The following ANKAR variants were observed in gnomAD, a reference collection of about 807,000 sequenced individuals.
ANKAR encodes ankyrin and armadillo repeat containing.
Under a neutral mutation model 146.2 loss-of-function variants are expected in ANKAR, and 136 were observed. The ratio of observed to expected loss-of-function variants is 0.93; its 90% confidence interval spans 0.81 to 1.07. The LOEUF is 1.07. ANKAR is among the 50% of genes least tolerant of loss of function. The pLI is 0.00. For synonymous variants in ANKAR, 500 were observed against 575.8 expected, an observed-to-expected ratio of 0.87 and a Z score of 1.88; for missense variants, 1,567 against 1,679.9, an observed-to-expected ratio of 0.93 and a Z score of 1.18.
chr2:189,692,544 A>G (rs1209018701), intron 4 of ANKAR, 126 bp downstream of exon 4: 9 of 805,866 alleles, frequency 1.1e-5, no homozygotes, highest in Non-Finnish European at 1.5e-5. Context: ...TCACAACTCA[A>G]TAATTTTTTC....
chr2:189,704,577 AT>A (rs2038615766), intron 7 of ANKAR, among the ~76,000 whole-genome samples: 3 of 118,834 alleles, frequency 2.5e-5, no homozygotes, highest in Admixed American at 9.0e-5. Flanking sequence ...ATATATATAT[AT>A]ATATATATAT....
chr2:189,707,074 T>C lies in ANKAR; in HGVS notation c.2047T>C (p.Phe683Leu), dbSNP rs751421817. ...NNIIHLSVLT[F>L]HTEVLKYIIK... ...TATAATCCATTTATCAGTGTTAACC[T>C]TTCATACAGAGGTTCTCAAATATAT... Residue 683 changes from phenylalanine (F) to leucine (L), a missense_variant, in exon 9 of 23, where the codon TTT becomes CTT. Physicochemically the swap from Phe to Leu is conservative, Grantham distance 22 (BLOSUM62 0). Coordinates refer to ENST00000684021, the MANE Select transcript of ANKAR (RefSeq NM_001378068.1). 6.5e-5 allele frequency: 105 copies of C among 1,607,542 alleles called. No individual in the cohort carries two copies. Among genetic ancestry groups the C allele is most frequent in the Middle Eastern group, 1.7e-4 (1 of 5,782 alleles).
At chr2:189,701,041 C>T (rs6736443) in intron 7 of ANKAR, among the ~76,000 whole-genome samples, 149,559 of 152,340 alleles carry the variant, frequency 0.98, 73,486 homozygotes, top group East Asian at 1. Flanking sequence ...AATTTGAAAA[C>T]GATATGCCTC....
At position 189,703,660 on chromosome 2, in the gene ANKAR, GA is replaced by G. The variant is rs139638419; in HGVS notation, c.1709-1361del. On this transcript the variant is annotated intron_variant, in intron 7 of 22. Transcript: ENST00000684021. ...TGTATATGGTAAGCAAAGCCACTAA[GA>G]AGAGAAAAAGGCCCAAGATTGAGCC... Among the ~76,000 whole-genome samples the G allele has an allele frequency of 1.4e-3, 206 of 152,264 alleles. 6 individuals carry two copies. The East Asian group carries it at 0.03, about 22-fold the overall frequency.
At chr2:189,748,267 A>T (rs1262738623), downstream of ANKAR, among the ~76,000 whole-genome samples, 3 of 152,174 alleles carry the variant, frequency 2.0e-5, no homozygotes, top group African/African-American at 7.2e-5. Flanking sequence ...CAATAGTGCA[A>T]TCATAGCTCA....
chr2:189,725,418 T>C (rs751227678), intron 12 of ANKAR, among the ~76,000 whole-genome samples: 33 of 152,018 alleles, frequency 2.2e-4, no homozygotes, highest in Non-Finnish European at 3.7e-4. Flanking sequence ...GAACCAGAGC[T>C]TCTTGGAGAA....
At chr2:189,747,666 A>G (rs2044354343), downstream of ANKAR, among the ~76,000 whole-genome samples, 1 of 152,128 alleles carries the variant, frequency 6.6e-6, no homozygotes, top group Non-Finnish European at 1.5e-5. Context: ...ACCTGGCTTC[A>G]CTGTGTACTT....
At chr2:189,742,235 C>T (rs550482019) in intron 20 of ANKAR, among the ~76,000 whole-genome samples, 6 of 152,262 alleles carry the variant, frequency 3.9e-5, no homozygotes, top group African/African-American at 9.6e-5. Context: ...ATTTGCATTT[C>T]GAACAAGTTC....
rs1173395625 is a variant in ANKAR, at chr2:189,728,841, A to G, written c.3193+20A>G. ...GTATTGGTTTGTATACTTATTCTCA[A>G]TTTCTTAAATATCTGTAAGAACAAG... On this transcript the variant is annotated intron_variant, in intron 15 of 22. Transcript: ENST00000684021. 6 of 1,596,598 alleles carry G rather than the reference A, an allele frequency of 3.8e-6. No homozygotes were observed. In the Admixed American group the frequency reaches 6.9e-5, roughly 18 times the overall value.
At chr2:189,732,372 G>A (rs1053985613) in intron 16 of ANKAR, among the ~76,000 whole-genome samples, 29 of 151,848 alleles carry the variant, frequency 1.9e-4, no homozygotes, top group African/African-American at 7.0e-4. Flanking sequence ...AAATTAATAG[G>A]TGCTGCAGGC....
intron 3 of ANKAR, among the ~76,000 whole-genome samples, chr2:189,691,302 C>A (rs567983429): frequency 6.6e-6 from 1 of 152,208 alleles, no homozygotes; most frequent in Non-Finnish European, 1.5e-5. Context: ...GTGATCCACC[C>A]GCCTCGGCCT....
At chr2:189,734,284 C>G (rs1371678980) in intron 17 of ANKAR, among the ~76,000 whole-genome samples, 3 of 152,190 alleles carry the variant, frequency 2.0e-5, no homozygotes, top group Non-Finnish European at 4.4e-5. Flanking sequence ...TTGCATCACA[C>G]TTTTGCTCAC....
intron 2 of ANKAR, among the ~76,000 whole-genome samples, chr2:189,680,376 T>C (rs2034463859): frequency 6.6e-6 from 1 of 152,110 alleles, no homozygotes; most frequent in African/African-American, 2.4e-5. Flanking sequence ...ATTTTATCTT[T>C]TCAAAAAACC....
At chr2:189,749,244 T>TA (rs397987026), downstream of ANKAR, among the ~76,000 whole-genome samples, 1,963 of 63,216 alleles carry the variant, frequency 0.031, 127 homozygotes, top group African/African-American at 0.11. Context: ...AGACTCTGTC[T>TA]AAAAAAAAAA....
intron 2 of ANKAR, among the ~76,000 whole-genome samples, chr2:189,687,058 C>T (rs891943404): frequency 6.6e-6 from 1 of 152,074 alleles, no homozygotes; most frequent in Non-Finnish European, 1.5e-5. Context: ...AATACTAGAT[C>T]TTATTCATTC....
chr2:189,743,494 G>T lies in ANKAR; in HGVS notation c.4010+20G>T, dbSNP rs181922547. 4 of 1,601,532 alleles carry T rather than the reference G, an allele frequency of 2.5e-6. No individual in the cohort carries two copies. In the East Asian group the frequency reaches 8.9e-5, roughly 36 times the overall value. On this transcript the variant is annotated intron_variant, in intron 21 of 22. Coordinates refer to ENST00000684021, the MANE Select transcript of ANKAR (RefSeq NM_001378068.1). ...CTTAAGGTATGGTCCTATGTTAGAAGTTGCAGTAGTGAAATCATCGATAGA... is the reference window on the plus strand; with the variant it reads ...CTTAAGGTATGGTCCTATGTTAGAATTTGCAGTAGTGAAATCATCGATAGA...
chr2:189,762,628 C>T, downstream of ANKAR: 1 of 985,404 alleles, frequency 1.0e-6, no homozygotes, highest in African/African-American at 1.7e-5. Context: ...AAACTGGAAC[C>T]GCTTTTCCAG....
intron 12 of ANKAR, among the ~76,000 whole-genome samples, chr2:189,726,835 A>G (rs995804337): frequency 6.6e-6 from 1 of 152,202 alleles, no homozygotes; most frequent in Non-Finnish European, 1.5e-5. Flanking sequence ...CGATGTATGC[A>G]CGCAACATAC....
At chr2:189,713,888 C>G (rs2040042495) in intron 10 of ANKAR, among the ~76,000 whole-genome samples, 1 of 152,144 alleles carries the variant, frequency 6.6e-6, no homozygotes, top group Admixed American at 6.5e-5. Flanking sequence ...CAGAGACACA[C>G]ATAGGCTCAA....
Sources: allele counts gnomAD v4.1 joint callset (sites outside exome capture counted in the v4.1 genomes callset), GRCh38; gene constraint gnomAD v4.1.1; transcripts MANE v1.5; gene names NCBI Gene and HGNC (gene_info 2026-07-23, HGNC 2026-07-21).